STT3B: variants seen among roughly 807,000 people sequenced by gnomAD.
STT3B encodes the protein dolichyl-diphosphooligosaccharide--protein glycosyltransferase subunit STT3B.
STT3B carries 29 observed loss-of-function variants against 96.8 expected under a neutral mutation model. The ratio of observed to expected loss-of-function variants is 0.30; its 90% CI spans 0.22 to 0.41. STT3B has a LOEUF of 0.41. Ranked by LOEUF, STT3B falls within the 10% of genes least tolerant of loss-of-function variation. The probability of loss-of-function intolerance (pLI) is 1.00; values close to 1 mark genes in which losing one functional copy is unlikely to be tolerated. For synonymous variants in STT3B, 367 were observed against 360.0 expected (o/e 1.02, Z -0.22); for missense variants, 640 against 1,022.3 (o/e 0.63, Z 5.10).
At chr3:31,544,885 C>T (rs1373779164) in intron 1 of STT3B, among the ~76,000 whole-genome samples, 2 of 152,054 alleles carry the variant, frequency 1.3e-5, no homozygotes, top group African/African-American at 4.8e-5. Flanking sequence ...TGCAGTGAGC[C>T]GAGATTGCAC....
intron 11 of STT3B, among the ~76,000 whole-genome samples, 186 bp from the exon 12 acceptor site, chr3:31,624,728 G>A (rs1456836757): frequency 6.8e-6 from 1 of 147,026 alleles, no homozygotes; most frequent in South Asian, 2.1e-4. Context: ...ACACACATTA[G>A]TTTGAATAAC....
At chr3:31,562,050 G>A (rs1335424588) in intron 1 of STT3B, among the ~76,000 whole-genome samples, 1 of 152,140 alleles carries the variant, frequency 6.6e-6, no homozygotes, top group Non-Finnish European at 1.5e-5. Context: ...CATCCCCTCA[G>A]TGTTTTGGCC....
rs1029950841 is a variant in STT3B, at chr3:31,532,950, A to G, written c.-49A>G. On this transcript the variant is annotated 5_prime_UTR_variant, in exon 1 of 16. Coordinates refer to ENST00000295770, the MANE Select transcript of STT3B (RefSeq NM_178862.3). ...GTCCCCGCCCAGCACCCCTCGCACCAGGCGGCGGCGGCGGAGGAGGAGAGC... is the reference window on the plus strand; with the variant it reads ...GTCCCCGCCCAGCACCCCTCGCACCGGGCGGCGGCGGCGGAGGAGGAGAGC... 5.9e-5 allele frequency: 91 copies of G among 1,546,264 alleles called. No individual in the cohort carries two copies. In the Admixed American group the frequency reaches 1.7e-3, roughly 29 times the overall value.
At chr3:31,628,455 C>T (rs145605901) in intron 13 of STT3B, among the ~76,000 whole-genome samples, 1 of 152,062 alleles carries the variant, frequency 6.6e-6, no homozygotes, top group East Asian at 1.9e-4. Flanking sequence ...AGATTGTTTC[C>T]AGTATTTTAG....
intron 1 of STT3B, among the ~76,000 whole-genome samples, chr3:31,573,056 G>T (rs913409848): frequency 6.6e-6 from 1 of 152,080 alleles, no homozygotes; most frequent in Non-Finnish European, 1.5e-5. Flanking sequence ...GGATAGGGAG[G>T]GAGACATCAG....
chr3:31,603,723 G>GTA lies in STT3B; in HGVS notation c.877+3267_877+3268dup, dbSNP rs144476265. Reference sequence around the variant, plus strand: ...GTCAAATTTAGGGATATTTACTGTGGTATAACTTGTAATTGTGAAAATATG... The same window carrying GTA: ...GTCAAATTTAGGGATATTTACTGTGGTATATAACTTGTAATTGTGAAAATATG... On this transcript the variant is annotated intron_variant, in intron 5 of 15. Coordinates refer to ENST00000295770, the MANE Select transcript of STT3B (RefSeq NM_178862.3). Among the ~76,000 whole-genome samples the GTA allele has an allele frequency of 0.019, 2,868 of 152,142 alleles. 285 individuals are homozygous for GTA. In the East Asian group the frequency reaches 0.32, roughly 17 times the overall value.
At chr3:31,632,255 G>A (rs990862698) in intron 14 of STT3B, among the ~76,000 whole-genome samples, 3 of 151,968 alleles carry the variant, frequency 2.0e-5, no homozygotes, top group Admixed American at 6.6e-5. Flanking sequence ...GGCCTCCTTT[G>A]TAGTTCCCAC....
intron 14 of STT3B, among the ~76,000 whole-genome samples, chr3:31,631,346 A>T (rs1343665232): frequency 6.6e-6 from 1 of 152,192 alleles, no homozygotes; most frequent in African/African-American, 2.4e-5. Flanking sequence ...TTGGTCTTTA[A>T]ACGCTTGCTA....
In STT3B at chr3:31,637,420, ATAGAATT is replaced by A. The variant is rs1424919662; in HGVS notation, c.*1357_*1363del. 6.6e-6 allele frequency: 1 copy of A among 152,194 alleles called. No homozygotes were observed. Among genetic ancestry groups the A allele is most frequent in the Non-Finnish European group, 1.5e-5 (1 of 68,008 alleles). The allele number at this position is 152,194 out of a possible 1,614,324, so 9.4% of individuals were successfully genotyped here. A position where few individuals can be genotyped will look rare whatever the true frequency, so the allele number is the denominator to read the frequency against. On this transcript the variant is annotated 3_prime_UTR_variant, in exon 16 of 16. Coordinates refer to ENST00000295770, the MANE Select transcript of STT3B (RefSeq NM_178862.3). ...CAAGGTGTAGAATATTCTTTGATTTATAGAATTCATTTTTGACCCAGATGATGGTTCC... is the reference window on the plus strand; with the variant it reads ...CAAGGTGTAGAATATTCTTTGATTTACATTTTTGACCCAGATGATGGTTCC...
intron 13 of STT3B, among the ~76,000 whole-genome samples, chr3:31,627,215 G>A (rs1023836316): frequency 2.0e-5 from 3 of 152,126 alleles, no homozygotes; most frequent in South Asian, 2.1e-4. Context: ...GATCATTGCC[G>A]CCTGAGCTCC....
chr3:31,597,925 T>G (rs1421103932), intron 4 of STT3B, among the ~76,000 whole-genome samples: 1 of 151,074 alleles, frequency 6.6e-6, no homozygotes, highest in East Asian at 1.9e-4. Context: ...AACCTCGGCC[T>G]CCTGGGTTCA....
At chr3:31,538,531 A>T (rs1000484803) in intron 1 of STT3B, among the ~76,000 whole-genome samples, 1 of 152,130 alleles carries the variant, frequency 6.6e-6, no homozygotes, top group South Asian at 2.1e-4. Flanking sequence ...GGTGTAATTT[A>T]TGTGAAACTC....
rs1323286952 is a variant in STT3B at position 31,636,468 on chromosome 3, C to T, written c.*404C>T. On this transcript the variant is annotated 3_prime_UTR_variant, in exon 16 of 16. Coordinates refer to ENST00000295770, the MANE Select transcript of STT3B (RefSeq NM_178862.3). Reference sequence around the variant, plus strand: ...TACCCGAATAGCAATATGTAAAATACAAGTGACAAAATGTGATGAGAGCTT... The same window carrying T: ...TACCCGAATAGCAATATGTAAAATATAAGTGACAAAATGTGATGAGAGCTT... The T allele has an allele frequency of 1.9e-5, 3 of 154,946 alleles. No homozygotes were observed. In the Admixed American group the frequency reaches 2.0e-4, roughly 10 times the overall value. The allele number at this position is 154,946 out of a possible 1,614,324, so 9.6% of individuals were successfully genotyped here.
At chr3:31,612,250 G>C (rs1699198845) in intron 5 of STT3B, among the ~76,000 whole-genome samples, 1 of 152,192 alleles carries the variant, frequency 6.6e-6, no homozygotes, top group South Asian at 2.1e-4. Context: ...GCACTGAAGA[G>C]TGTTATGACA....
At position 31,600,440 on chromosome 3, in the gene STT3B, C is replaced by A; in HGVS notation, c.858C>A (p.Tyr286Ter). ...TTGTGTTGTTACTGATGCAGAGATA[C>A]AGCAAAAGAGTCTACATAGGTAAGT... ...HVFVLLLMQR[Y>*]SKRVYIAYST... Residue 286 changes from tyrosine to a stop codon, truncating the protein, a stop_gained, in exon 5 of 16, where the codon TAC becomes TAA. Transcript: ENST00000295770. LOFTEE classifies it high-confidence loss of function. The A allele has an allele frequency of 6.4e-7, 1 of 1,568,664 alleles. No individual in the cohort carries two copies. The highest frequency in any genetic ancestry group is 8.7e-7 in the Non-Finnish European group (1 of 1,143,450).
chr3:31,543,478 A>C (rs892772176), intron 1 of STT3B, among the ~76,000 whole-genome samples: 1 of 152,242 alleles, frequency 6.6e-6, no homozygotes, highest in Non-Finnish European at 1.5e-5. Flanking sequence ...GTGAGTGCAC[A>C]GTGAATATTA....
chr3:31,573,458 G>T (rs1454591825), intron 1 of STT3B, among the ~76,000 whole-genome samples: 1 of 152,144 alleles, frequency 6.6e-6, no homozygotes, highest in African/African-American at 2.4e-5. Flanking sequence ...AGCAGAATAA[G>T]AAAATAGTAT....
At chr3:31,624,714 G>A (rs1054227455) in intron 11 of STT3B, among the ~76,000 whole-genome samples, 200 bp from the exon 12 acceptor site, 2 of 148,042 alleles carry the variant, frequency 1.4e-5, no homozygotes, top group African/African-American at 5.0e-5. Context: ...GGTGGTTTGT[G>A]CACACACACA....
intron 3 of STT3B, among the ~76,000 whole-genome samples, chr3:31,588,050 T>C (rs937665857): frequency 2.6e-5 from 4 of 152,150 alleles, no homozygotes; most frequent in African/African-American, 7.2e-5. Context: ...TTGTAGATCA[T>C]CTAGAATTTT....
Sources: allele counts gnomAD v4.1 joint callset (sites outside exome capture counted in the v4.1 genomes callset), GRCh38; gene constraint gnomAD v4.1.1; transcripts MANE v1.5; gene names NCBI Gene and HGNC (gene_info 2026-07-23, HGNC 2026-07-21).